Variants in ABCA2 observed in about 807,000 individuals in gnomAD.
ABCA2 encodes the protein ATP binding cassette subfamily A member 2.
In ABCA2, 84 loss-of-function variants were observed where a neutral mutation model predicts 262.8. The ratio of observed to expected loss-of-function variants is 0.32; its 90% CI spans 0.27 to 0.38. The LOEUF (loss-of-function observed/expected upper bound fraction) is 0.38. Among genes scored for constraint, ABCA2 ranks in the 10% least tolerant of loss-of-function variants. The pLI, the probability that ABCA2 is intolerant of heterozygous loss-of-function variation, is 1.00. For missense variants in ABCA2, 2,662 were observed against 3,405.9 expected (o/e 0.78, Z 5.44); for synonymous variants, 1,696 against 1,502.9 (o/e 1.13, Z -2.97).
chr9:137,026,783 G>C (rs1043481233), intron 1 of ABCA2, among the ~76,000 whole-genome samples: 1 of 152,198 alleles, frequency 6.6e-6, no homozygotes, highest in Non-Finnish European at 1.5e-5. Context: ...AACCACCCCC[G>C]GGGACTAATA....
chr9:137,028,567 GC>G (rs1831745556), upstream of ABCA2: 1 of 705,006 alleles, frequency 1.4e-6, no homozygotes, highest in East Asian at 1.4e-4. The surrounding 1 kb of genome is among the most constrained non-coding windows in gnomAD (Gnocchi z 6.9). Flanking sequence ...ATCCGGCTGC[GC>G]CCACCGCGCT....
Position 137,020,867 on chromosome 9 carries a change from C to T in ABCA2, c.1092G>A (p.Ala364=), listed in dbSNP as rs558948207. 1.5e-5 allele frequency: 23 copies of T among 1,546,296 alleles called. No individual in the cohort carries two copies. The highest frequency in any genetic ancestry group is 5.9e-5 in the South Asian group (5 of 84,364). The change falls in exon 9 of 49, where the codon GCG becomes GCA. Residue 364 remains alanine, a synonymous_variant. Coordinates refer to ENST00000341511, the MANE Select transcript of ABCA2 (RefSeq NM_001606.5). ...CCCCAGTGCCATTGGCCGCCCCACC[C>T]GCACCACTGGCTGGGGGTCCGGGGG... is the stretch of plus-strand genomic sequence containing the variant. ...GRTPGPPASG[A]GGAANGTGAG... is the part of the protein sequence containing the mutation.
In ABCA2 at chr9:137,015,857, A is replaced by T; in HGVS notation, c.3332T>A (p.Leu1111Gln). 1 of 1,610,006 alleles carries T rather than the reference A, an allele frequency of 6.2e-7. No homozygotes were observed. Among genetic ancestry groups the T allele is most frequent in the Non-Finnish European group, 8.5e-7 (1 of 1,177,922 alleles). The change falls in exon 23 of 49, where the codon CTG becomes CAG. Residue 1111 changes from leucine to glutamine, a missense_variant. Around this residue, in one of 12 missense-constraint regions of ABCA2, gnomAD observed 180 missense variants for 307.3 expected, o/e 0.59. Coordinates refer to ENST00000341511, the MANE Select transcript of ABCA2 (RefSeq NM_001606.5). Reference sequence around the variant, plus strand: ...TGAGTGCCGTTTGTTGGAGAGCTCCAGGTCCTCGATCATCCTGGGACAGGG... The same window carrying T: ...TGAGTGCCGTTTGTTGGAGAGCTCCTGGTCCTCGATCATCCTGGGACAGGG... ...RREMDKMIED[L>Q]ELSNKRHSLV...
Position 137,021,048 on chromosome 9 carries a change from G to A in ABCA2, c.911C>T (p.Ala304Val). ...TGGCGAGGAGTCCGAGCCGTTGGGG[G>A]CATCCAGGCCCAGCTGAGGGGAAAC... ...AKVSQQLGLD[A>V]PNGSDSSPQA... The change falls in exon 9 of 49, where the codon GCC becomes GTC. Residue 304 changes from alanine to valine, a missense_variant. By Grantham distance (64) the Ala-to-Val change is moderately conservative (BLOSUM62 0). Around this residue, in one of 12 missense-constraint regions of ABCA2, gnomAD observed 403 missense variants for 375.9 expected, o/e 1.07. Transcript: ENST00000341511. The surrounding 1 kb of genome is among the most constrained non-coding windows in gnomAD (Gnocchi z 6.0). The A allele has an allele frequency of 6.8e-7, 1 of 1,479,560 alleles. No homozygotes were observed. Among genetic ancestry groups the A allele is most frequent in the Non-Finnish European group, 9.0e-7 (1 of 1,113,114 alleles). 91.7% of individuals were successfully genotyped at this position (1,479,560 alleles called of 1,614,324 possible).
In ABCA2 at chr9:137,022,381, T is replaced by G. The variant is rs35590326; in HGVS notation, c.537A>C (p.Ala179=). Residue 179 remains alanine, a synonymous_variant, in exon 6 of 49, where the codon GCA becomes GCC. Coordinates refer to ENST00000341511, the MANE Select transcript of ABCA2 (RefSeq NM_001606.5). The part of the protein sequence containing the change: ...NLSLPNSTAQ[A]LLAARVDPPE... ...GCGGGTCCACACGGGCGGCCAAGAG[T>G]GCTTGGGCCGTGCTATTGGGCAGCG... 140,826 of 1,608,958 alleles carry G rather than the reference T, an allele frequency of 0.088. 7,073 individuals are homozygous for G. Among genetic ancestry groups the G allele is most frequent in the African/African-American group, 0.21 (15,369 of 74,488 alleles).
chr9:137,025,388 C>G (rs73564328), intron 1 of ABCA2, among the ~76,000 whole-genome samples: 2,087 of 152,326 alleles, frequency 0.014, 60 homozygotes, highest in African/African-American at 0.048. Flanking sequence ...CTCCCTAGCC[C>G]GAGGGCGAGC....
Position 137,017,185 on chromosome 9 carries a change from G to A in ABCA2, c.2553+11C>T, listed in dbSNP as rs147999554. On this transcript the variant is annotated intron_variant, in intron 18 of 48. Transcript: ENST00000341511. ...CGGCACCCCAGCCGCCCGCCTGCCCGCGACCCTCACCGCGATGCACTTCTC... is the reference window on the plus strand; with the variant it reads ...CGGCACCCCAGCCGCCCGCCTGCCCACGACCCTCACCGCGATGCACTTCTC... 176 of 1,611,930 alleles carry A rather than the reference G, an allele frequency of 1.1e-4. No homozygotes were observed. The highest frequency in any genetic ancestry group is 1.3e-4 in the Non-Finnish European group (153 of 1,179,542).
At position 137,023,848 on chromosome 9, in the gene ABCA2, C is replaced by T. The variant is rs748282864; in HGVS notation, c.161-8G>A. On this transcript the variant is annotated splice_polypyrimidine_tract_variant and splice_region_variant and intron_variant, in intron 2 of 48. Transcript: ENST00000341511. ...TGGCCGCTCACTTACAGACTGCATG[C>T]CAGCCGAGGACAAGAGACCATGCGG... 3.6e-5 allele frequency: 30 copies of T among 832,644 alleles called. No individual in the cohort carries two copies. The highest frequency in any genetic ancestry group is 8.4e-6 in the Non-Finnish European group (4 of 477,436). 51.6% of individuals were successfully genotyped at this position (832,644 alleles called of 1,614,324 possible).
Position 137,010,173 on chromosome 9 carries a change from AC to A in ABCA2, c.6353+19del. The A allele has an allele frequency of 6.3e-7, 1 of 1,594,736 alleles. No homozygotes were observed. Among genetic ancestry groups the A allele is most frequent in the Non-Finnish European group, 8.5e-7 (1 of 1,175,166 alleles). On this transcript the variant is annotated intron_variant, in intron 41 of 48. Coordinates refer to ENST00000341511, the MANE Select transcript of ABCA2 (RefSeq NM_001606.5). The stretch of plus-strand genomic sequence containing the variant: ...GCGTGAGGACGCGGCGGCCCCGCCC[AC>A]CCAGGGCTCCCGCCCCACCTGTGTC...
Position 137,011,817 on chromosome 9 carries a change from G to T in ABCA2, c.5535+27C>A. On this transcript the variant is annotated intron_variant, in intron 35 of 48. Coordinates refer to ENST00000341511, the MANE Select transcript of ABCA2 (RefSeq NM_001606.5). This position sits in a 1 kb window ranked among gnomAD's most constrained non-coding sequence, Gnocchi z 8.8. ...GGGGATGGGGGATGAGAAGGGCCGG[G>T]GCACCCCATGGCCACGCCGGGCGCA... The T allele has an allele frequency of 6.4e-7, 1 of 1,559,208 alleles. No homozygotes were observed. The highest frequency in any genetic ancestry group is 8.7e-7 in the Non-Finnish European group (1 of 1,152,582).
intron 1 of ABCA2, among the ~76,000 whole-genome samples, chr9:137,027,078 C>T (rs927321138): frequency 3.3e-5 from 5 of 152,244 alleles, no homozygotes; most frequent in Non-Finnish European, 5.9e-5. Flanking sequence ...CAAGGGGTCC[C>T]GCCCGGGCCC....
Position 137,007,623 on chromosome 9 carries a change from G to A in ABCA2, c.*306C>T, listed in dbSNP as rs1424041019. 12 of 498,276 alleles carry A rather than the reference G, an allele frequency of 2.4e-5. No individual in the cohort carries two copies. Among genetic ancestry groups the A allele is most frequent in the Non-Finnish European group, 3.6e-5 (10 of 276,088 alleles). The allele number at this position is 498,276 out of a possible 1,614,324, so 30.9% of individuals were successfully genotyped here. Reference sequence around the variant, plus strand: ...AGCAGTGCCTGGTCCAGCCGGCGTCGCCTTGGGCGGTGAGCAGTGCCAGGC... The same window carrying A: ...AGCAGTGCCTGGTCCAGCCGGCGTCACCTTGGGCGGTGAGCAGTGCCAGGC... On this transcript the variant is annotated 3_prime_UTR_variant, in exon 49 of 49. Coordinates refer to ENST00000341511, the MANE Select transcript of ABCA2 (RefSeq NM_001606.5).
chr9:137,023,916 G>T, intron 2 of ABCA2, 76 bp from the exon 3 acceptor site: 1 of 1,157,344 alleles, frequency 8.6e-7, no homozygotes, highest in Non-Finnish European at 1.3e-6. Context: ...ACCAGTGAGT[G>T]CCCACATCAC....
At chr9:137,024,373 G>A (rs957884397) in intron 1 of ABCA2, 137 bp from the exon 2 acceptor site, 13 of 671,368 alleles carry the variant, frequency 1.9e-5, no homozygotes, top group South Asian at 6.8e-5. Flanking sequence ...CAGGCCCTTC[G>A]GAACCACTGA....
Position 137,013,922 on chromosome 9 carries a change from G to A in ABCA2, c.4357C>T (p.Arg1453Cys), listed in dbSNP as rs1588513016. Residue 1453 changes from arginine to cysteine, a missense_variant, in exon 28 of 49, where the codon CGC becomes TGC. Arg to Cys is a radical substitution (Grantham distance 180). This residue lies in a region of ABCA2 where 75 missense variants were observed against 118.3 expected (regional missense o/e 0.63). Coordinates refer to ENST00000341511, the MANE Select transcript of ABCA2 (RefSeq NM_001606.5). ...TGGGAGAAGAGTGCCTTGGAGTTGCGGCGGGCGCAGTGGAAGCGTTTGACC... is the reference window on the plus strand; with the variant it reads ...TGGGAGAAGAGTGCCTTGGAGTTGCAGCGGGCGCAGTGGAAGCGTTTGACC... ...LLVKRFHCAR[R>C]NSKALFSQIL... 4 of 1,606,336 alleles carry A rather than the reference G, an allele frequency of 2.5e-6. No individual in the cohort carries two copies. The highest frequency in any genetic ancestry group is 1.1e-5 in the South Asian group (1 of 90,280).
rs111445453 is a variant in ABCA2 at position 137,021,727 on chromosome 9, C to T, written c.679-117G>A. ...TGGCTCTGGGGCTGCCTGGGTCCCA[C>T]GACATGCCTCTACCCCTCATGCCTG... On this transcript the variant is annotated intron_variant, in intron 7 of 48. Coordinates refer to ENST00000341511, the MANE Select transcript of ABCA2 (RefSeq NM_001606.5). The surrounding 1 kb of genome is among the most constrained non-coding windows in gnomAD (Gnocchi z 6.0). 119 of 1,262,766 alleles carry T rather than the reference C, an allele frequency of 9.4e-5. 1 individual carries two copies. The highest frequency in any genetic ancestry group is 7.9e-4 in the Middle Eastern group (3 of 3,794). The allele number at this position is 1,262,766 out of a possible 1,614,324, so 78.2% of individuals were successfully genotyped here.
In ABCA2 at chr9:137,008,561, G is replaced by A. The variant is rs949286691; in HGVS notation, c.7130C>T (p.Pro2377Leu). The change falls in exon 48 of 49, where the codon CCA becomes CTA. Residue 2377 changes from proline (P) to leucine (L), a missense_variant. Pro to Leu is a moderately conservative substitution (Grantham distance 98). Coordinates refer to ENST00000341511, the MANE Select transcript of ABCA2 (RefSeq NM_001606.5). ...DNLEQQETEP[P>L]SALQSPLGCL... ...GCCGAGAGGGGACTGCAGTGCGGAT[G>A]GCGGCTCCGTCTCCTGCTGCTCCAG... 7 of 1,607,948 alleles carry A rather than the reference G, an allele frequency of 4.4e-6. No homozygotes were observed. The African/African-American group carries it at 8.0e-5, about 18-fold the overall frequency.
chr9:137,011,455 G>A lies in ABCA2; in HGVS notation c.5751C>T (p.Ile1917=). 1.2e-6 allele frequency: 2 copies of A among 1,610,978 alleles called. No homozygotes were observed. The highest frequency in any genetic ancestry group is 1.7e-6 in the Non-Finnish European group (2 of 1,179,136). ...GCAGGAAGGTGGCCACGGTGGCGGT[G>A]ATGCCGATGAAGAGATTGATGACAA... ...FLIVINLFIG[I]TATVATFLLQ... The change falls in exon 37 of 49, where the codon ATC becomes ATT. Residue 1917 remains isoleucine (I), a synonymous_variant. Transcript: ENST00000341511. This position sits in a 1 kb window ranked among gnomAD's most constrained non-coding sequence, Gnocchi z 8.8.
In ABCA2 at chr9:137,015,441, G is replaced by A. The variant is rs376060490; in HGVS notation, c.3670C>T (p.Arg1224Trp). Residue 1224 changes from arginine (R) to tryptophan (W), a missense_variant, in exon 24 of 49, where the codon CGG becomes TGG. By Grantham distance (101) the Arg-to-Trp change is moderately radical (BLOSUM62 -3). Coordinates refer to ENST00000341511, the MANE Select transcript of ABCA2 (RefSeq NM_001606.5). ...TGGGGGCCCCCCGGCTCGGCGGGCCGCTTGACCAGCGTGAGGCGGTACCCG... is the reference window on the plus strand; with the variant it reads ...TGGGGGCCCCCCGGCTCGGCGGGCCACTTGACCAGCGTGAGGCGGTACCCG... ...GDGYRLTLVK[R>W]PAEPGGPQEP... The A allele has an allele frequency of 7.6e-6, 12 of 1,571,092 alleles. No homozygotes were observed. The highest frequency in any genetic ancestry group is 3.5e-5 in the South Asian group (3 of 86,554).
Sources: allele counts gnomAD v4.1 joint callset (sites outside exome capture counted in the v4.1 genomes callset), GRCh38; gene constraint gnomAD v4.1.1; regional missense constraint gnomAD v4.1.1; non-coding constraint Gnocchi (gnomAD v3.1); transcripts MANE v1.5; gene names NCBI Gene and HGNC (gene_info 2026-07-23, HGNC 2026-07-21).